The following ZBTB44 variants were observed in gnomAD, a reference collection of about 807,000 sequenced individuals.
ZBTB44 encodes zinc finger and BTB domain containing 44.
In ZBTB44, 15 loss-of-function variants were observed where a neutral mutation model predicts 54.0. That is an observed-to-expected ratio of 0.28 (90% confidence interval 0.19 to 0.43). The LOEUF (loss-of-function observed/expected upper bound fraction) is 0.43, where lower values mean the gene tolerates loss of function less well. ZBTB44 is among the 20% of genes least tolerant of loss of function. The pLI is 1.00. For synonymous variants in ZBTB44, 230 were observed against 250.1 expected, an observed-to-expected ratio of 0.92 and a Z score of 0.76; for missense variants, 487 against 707.1, an observed-to-expected ratio of 0.69 and a Z score of 3.53.
chr11:130,290,881 TAA>T (rs752715598), intron 1 of ZBTB44, among the ~76,000 whole-genome samples: 4 of 152,214 alleles, frequency 2.6e-5, no homozygotes, highest in Non-Finnish European at 4.4e-5. Flanking sequence ...ATCCTGATGG[TAA>T]ACTTTCTCGC....
At chr11:130,244,667 G>GGGA (rs1257316227) in intron 2 of ZBTB44, among the ~76,000 whole-genome samples, 2 of 104,794 alleles carry the variant, frequency 1.9e-5, no homozygotes, top group African/African-American at 6.5e-5. Context: ...ACTCTGTCTG[G>GGGA]AAAAAAAAAA....
chr11:130,251,156 T>C (rs1937968948), intron 2 of ZBTB44, among the ~76,000 whole-genome samples: 1 of 152,060 alleles, frequency 6.6e-6, no homozygotes, highest in Non-Finnish European at 1.5e-5. Context: ...CATACACAAG[T>C]ATCAATAGCT....
intron 2 of ZBTB44, among the ~76,000 whole-genome samples, chr11:130,240,231 A>T (rs1389376900): frequency 6.6e-6 from 1 of 151,954 alleles, no homozygotes; most frequent in Non-Finnish European, 1.5e-5. Context: ...TAGTAGAGAC[A>T]GGGTTTCACT....
chr11:130,256,002 T>C (rs531221088), intron 2 of ZBTB44, among the ~76,000 whole-genome samples: 2 of 151,458 alleles, frequency 1.3e-5, no homozygotes, highest in African/African-American at 2.4e-5. Flanking sequence ...ACCAGACAGA[T>C]TCACAGCTGA....
At chr11:130,240,073 G>A (rs937554706) in intron 2 of ZBTB44, among the ~76,000 whole-genome samples, 177 bp from the exon 3 acceptor site, 1 of 133,498 alleles carries the variant, frequency 7.5e-6, no homozygotes, top group Non-Finnish European at 1.5e-5. Flanking sequence ...ACTGAGTCTC[G>A]CTCTGTCGCC....
At chr11:130,313,265 T>A (rs944683668) in intron 1 of ZBTB44, among the ~76,000 whole-genome samples, 4 of 152,206 alleles carry the variant, frequency 2.6e-5, no homozygotes, top group African/African-American at 9.7e-5. Flanking sequence ...AGTAATAATA[T>A]CTGCATCATT....
At chr11:130,309,657 G>A (rs1942474984) in intron 1 of ZBTB44, among the ~76,000 whole-genome samples, 1 of 151,952 alleles carries the variant, frequency 6.6e-6, no homozygotes, top group Non-Finnish European at 1.5e-5. Flanking sequence ...CACTTCAGGA[G>A]GCCGAGGCAG....
At chr11:130,240,324 G>C (rs887668774) in intron 2 of ZBTB44, among the ~76,000 whole-genome samples, 1 of 151,994 alleles carries the variant, frequency 6.6e-6, no homozygotes, top group Non-Finnish European at 1.5e-5. Flanking sequence ...ACAGGCGTGA[G>C]CCACCGCACC....
chr11:130,310,956 T>A (rs559182112), intron 1 of ZBTB44, among the ~76,000 whole-genome samples: 2 of 152,326 alleles, frequency 1.3e-5, no homozygotes, highest in African/African-American at 4.8e-5. Context: ...GTACATACTT[T>A]ACATATTCAA....
chr11:130,304,068 T>G (rs944059185), intron 1 of ZBTB44, among the ~76,000 whole-genome samples: 4 of 152,318 alleles, frequency 2.6e-5, no homozygotes, highest in Admixed American at 6.5e-5. Context: ...TCTAATGTAT[T>G]TTTTTAATTT....
chr11:130,282,669 C>T (rs1054715517), intron 1 of ZBTB44, among the ~76,000 whole-genome samples: 6 of 152,224 alleles, frequency 3.9e-5, no homozygotes, highest in Non-Finnish European at 8.8e-5. Context: ...AATCACTTGA[C>T]TGAAGTTACC....
At chr11:130,303,565 G>A (rs750414767) in intron 1 of ZBTB44, among the ~76,000 whole-genome samples, 14 of 152,144 alleles carry the variant, frequency 9.2e-5, no homozygotes, top group Non-Finnish European at 2.1e-4. Flanking sequence ...AAGCTGGGAG[G>A]TGGAGGTTGT....
chr11:130,288,878 C>A (rs144746822), intron 1 of ZBTB44, among the ~76,000 whole-genome samples: 6,174 of 147,532 alleles, frequency 0.042, 312 homozygotes, highest in African/African-American at 0.12. Context: ...GCGTGGGTGA[C>A]AGAGCGAGAC....
chr11:130,261,790 T>A lies in ZBTB44; in HGVS notation c.84A>T (p.Gly28=). ...CACGAATAGTGATATCACAAAAATG[T>A]CCATCATTTCGCAGCATATTTAGCT... ...LGKLNMLRND[G]HFCDITIRVQ... Residue 28 remains glycine, a synonymous_variant, in exon 2 of 8, where the codon GGA becomes GGT. Coordinates refer to ENST00000357899, the MANE Select transcript of ZBTB44 (RefSeq NM_001301098.2). This position sits in a 1 kb window ranked among gnomAD's most constrained non-coding sequence, Gnocchi z 4.8. The A allele has an allele frequency of 6.2e-7, 1 of 1,614,066 alleles. No individual in the cohort carries two copies. The highest frequency in any genetic ancestry group is 8.5e-7 in the Non-Finnish European group (1 of 1,179,894).
At chr11:130,244,681 A>G (rs1565648520) in intron 2 of ZBTB44, among the ~76,000 whole-genome samples, 1 of 144,074 alleles carries the variant, frequency 6.9e-6, no homozygotes, top group African/African-American at 2.4e-5. Context: ...AAAAAAAAAA[A>G]AAAAAGAAAG....
At chr11:130,309,515 T>C (rs1173229089) in intron 1 of ZBTB44, among the ~76,000 whole-genome samples, 2 of 152,222 alleles carry the variant, frequency 1.3e-5, no homozygotes, top group Non-Finnish European at 2.9e-5. Context: ...AAATGTGTTA[T>C]CTCCACTGAT....
At chr11:130,271,948 A>C (rs1939701874) in intron 1 of ZBTB44, among the ~76,000 whole-genome samples, 2 of 152,192 alleles carry the variant, frequency 1.3e-5, no homozygotes, top group East Asian at 1.9e-4. Flanking sequence ...GTGTATGAGG[A>C]GGCTGGATGC....
intron 1 of ZBTB44, among the ~76,000 whole-genome samples, chr11:130,306,479 G>T (rs958833043): frequency 2.0e-5 from 3 of 151,004 alleles, no homozygotes; most frequent in African/African-American, 7.3e-5. Context: ...TCCAACCTGG[G>T]CAACAAGAGC....
Position 130,270,045 on chromosome 11 carries a change from G to A in ZBTB44, c.-56-8116C>T, listed in dbSNP as rs11822461. Among the ~76,000 whole-genome samples, 1,319 of 152,244 alleles carry A rather than the reference G, an allele frequency of 8.7e-3. 9 individuals are homozygous for A. Among genetic ancestry groups the A allele is most frequent in the African/African-American group, 0.022 (894 of 41,540 alleles). On this transcript the variant is annotated intron_variant, in intron 1 of 7. Transcript: ENST00000357899. ...TTATCAGAAGATTTGAGATTAAAAC[G>A]AAGTAGCTCTTAGCATATAAAGTGA...
Sources: gnomAD v4.1 joint callset for allele counts (sites outside exome capture counted in the v4.1 genomes callset) on GRCh38, gnomAD v4.1.1 for gene constraint, Gnocchi (gnomAD v3.1) non-coding constraint, MANE v1.5 for transcripts, NCBI Gene and HGNC (gene_info 2026-07-23, HGNC 2026-07-21) for gene names.